The following NRXN3 variants were observed in gnomAD, a reference collection of about 807,000 sequenced individuals.
NRXN3 encodes neurexin III.
NRXN3 carries 32 observed loss-of-function variants against 137.6 expected under a neutral mutation model. The observed-to-expected ratio is 0.23, with a 90% CI of 0.18 to 0.31. The LOEUF (loss-of-function observed/expected upper bound fraction) is 0.31, where lower values mean the gene tolerates loss of function less well. NRXN3 is among the 10% of genes least tolerant of loss of function. The pLI is 1.00. For synonymous variants in NRXN3, 798 were observed against 784.5 expected (o/e 1.02, Z -0.29); for missense variants, 1,574 against 2,062.5 (o/e 0.76, Z 4.59).
chr14:79,648,185 AAAAC>A lies in NRXN3; in HGVS notation c.3445-15569_3445-15566del, dbSNP rs199921033. ...CCCTTCCCTACTTACCCTACTATAC[AAAAC>A]AAACAAACAAACAAACAAACAAAAA... On this transcript the variant is annotated intron_variant, in intron 16 of 20. Coordinates refer to ENST00000335750, the MANE Select transcript of NRXN3 (RefSeq NM_001330195.2). Among the ~76,000 whole-genome samples the A allele has an allele frequency of 2.5e-4, 34 of 134,378 alleles. 2 individuals carry two copies. The highest frequency in any genetic ancestry group is 7.6e-4 in the African/African-American group (31 of 40,610). The allele number at this position is 134,378 out of a possible 152,430, so 88.2% of individuals were successfully genotyped here.
chr14:79,213,532 A>G (rs1305671234), intron 15 of NRXN3, among the ~76,000 whole-genome samples: 1 of 151,422 alleles, frequency 6.6e-6, no homozygotes, highest in Non-Finnish European at 1.5e-5. Flanking sequence ...AGAACTTAGG[A>G]GGTTCTTAAA....
chr14:79,124,080 A>G (rs1387273509), intron 15 of NRXN3, among the ~76,000 whole-genome samples: 1 of 152,308 alleles, frequency 6.6e-6, no homozygotes, highest in South Asian at 2.1e-4. Flanking sequence ...ACTTCTGCTC[A>G]CAGCTCTAAT....
At chr14:78,803,591 T>C in intron 8 of NRXN3, 29 bp from the exon 9 acceptor site, 1 of 1,608,636 alleles carries the variant, frequency 6.2e-7, no homozygotes, top group Non-Finnish European at 8.5e-7. Flanking sequence ...TCCGTCATCC[T>C]AACGATCTTC....
rs558163634 is a variant in NRXN3, at chr14:78,512,937, G to C, written c.758-132183G>C. On this transcript the variant is annotated intron_variant, in intron 4 of 20. Coordinates refer to ENST00000335750, the MANE Select transcript of NRXN3 (RefSeq NM_001330195.2). ...TTTTGCTTTCTGCCCCGTAGGATCT[G>C]AAGCAGTCCTGCCCCAGGCTTAGAG... Among the ~76,000 whole-genome samples the C allele has an allele frequency of 1.2e-4, 18 of 152,304 alleles. No individual in the cohort carries two copies. In the East Asian group the frequency reaches 2.7e-3, roughly 23 times the overall value.
At chr14:78,250,052 T>G (rs1296386822) in intron 2 of NRXN3, 1 of 512,958 alleles carries the variant, frequency 1.9e-6, no homozygotes, top group Non-Finnish European at 3.9e-6. Flanking sequence ...CTTGAAACCC[T>G]CGCAACCACT....
chr14:79,016,261 C>T (rs1594940985), intron 15 of NRXN3, among the ~76,000 whole-genome samples: 1 of 152,188 alleles, frequency 6.6e-6, no homozygotes, highest in East Asian at 1.9e-4. Flanking sequence ...CTTTTCTACA[C>T]TTCTGGCTCA....
chr14:78,274,734 G>T (rs1596634280), intron 2 of NRXN3, among the ~76,000 whole-genome samples: 1 of 152,236 alleles, frequency 6.6e-6, no homozygotes, highest in Non-Finnish European at 1.5e-5. Context: ...TTGCCTGGTT[G>T]TGATGCTGAA....
At chr14:79,205,989 G>A (rs2066730012) in intron 15 of NRXN3, among the ~76,000 whole-genome samples, 1 of 152,104 alleles carries the variant, frequency 6.6e-6, no homozygotes, top group Non-Finnish European at 1.5e-5. Flanking sequence ...TGACAAGCAT[G>A]CCAGATGCTT....
intron 15 of NRXN3, among the ~76,000 whole-genome samples, chr14:79,106,363 T>A (rs566834685): frequency 2.6e-4 from 40 of 152,154 alleles, no homozygotes; most frequent in Admixed American, 6.6e-4. Context: ...TTTCTTTCAA[T>A]GAAATGAAAA....
chr14:78,215,965 TG>T (rs1215908673), intron 1 of NRXN3, among the ~76,000 whole-genome samples: 3 of 152,186 alleles, frequency 2.0e-5, no homozygotes, highest in African/African-American at 7.2e-5. Flanking sequence ...CTGCTCTGTG[TG>T]TAATGATAAC....
chr14:79,458,818 G>T (rs1470795969), intron 15 of NRXN3, among the ~76,000 whole-genome samples: 1 of 152,034 alleles, frequency 6.6e-6, no homozygotes, highest in African/African-American at 2.4e-5. Flanking sequence ...TCTGAGTGTG[G>T]TATAATTAAT....
At chr14:79,294,311 G>C (rs915673938) in intron 15 of NRXN3, among the ~76,000 whole-genome samples, 4 of 152,194 alleles carry the variant, frequency 2.6e-5, no homozygotes, top group African/African-American at 9.7e-5. Flanking sequence ...GAAAGGGTAT[G>C]TTATCAACTC....
intron 14 of NRXN3, among the ~76,000 whole-genome samples, chr14:78,977,218 C>A (rs1176322435): frequency 6.6e-6 from 1 of 152,144 alleles, no homozygotes; most frequent in African/African-American, 2.4e-5. Flanking sequence ...ATTTCCAAAG[C>A]AGAAAGAGTA....
chr14:78,399,530 G>A (rs1253531906), intron 4 of NRXN3, among the ~76,000 whole-genome samples: 1 of 152,170 alleles, frequency 6.6e-6, no homozygotes, highest in East Asian at 1.9e-4. Flanking sequence ...AAAGCTCTCA[G>A]ACTCAGTGCA....
chr14:79,483,400 G>GT (rs1185185853), intron 16 of NRXN3, among the ~76,000 whole-genome samples: 1 of 152,164 alleles, frequency 6.6e-6, no homozygotes, highest in Non-Finnish European at 1.5e-5. Context: ...TTGCTTCTTT[G>GT]TTAAAAAGTG....
chr14:78,294,266 C>T (rs760423662), intron 3 of NRXN3, among the ~76,000 whole-genome samples: 4 of 152,076 alleles, frequency 2.6e-5, no homozygotes, highest in Non-Finnish European at 4.4e-5. Flanking sequence ...TTATAAAGCT[C>T]GTGTCAGGCT....
In NRXN3 at chr14:79,448,902, G is replaced by A. The variant is rs149834084; in HGVS notation, c.3263-18319G>A. ...GAAATGACAAAAGTGAATGAAGTGA[G>A]GGAAAGTGAGCCAGCAGGACTGCTC... On this transcript the variant is annotated intron_variant, in intron 15 of 20. Coordinates refer to ENST00000335750, the MANE Select transcript of NRXN3 (RefSeq NM_001330195.2). 6.4e-3 allele frequency among the ~76,000 whole-genome samples: 978 copies of A among 152,300 alleles called. 8 individuals carry two copies. Among genetic ancestry groups the A allele is most frequent in the African/African-American group, 0.022 (904 of 41,560 alleles).
At chr14:79,337,892 CA>C (rs1469878337) in intron 15 of NRXN3, among the ~76,000 whole-genome samples, 6 of 152,136 alleles carry the variant, frequency 3.9e-5, no homozygotes, top group African/African-American at 1.4e-4. Flanking sequence ...AACTCCCCGA[CA>C]CTCAAACTAC....
chr14:78,894,729 T>A (rs2099168544), intron 10 of NRXN3, among the ~76,000 whole-genome samples: 1 of 151,880 alleles, frequency 6.6e-6, no homozygotes, highest in African/African-American at 2.4e-5. Context: ...GTGTATTTTT[T>A]AAATAATAAG....
Sources: gnomAD v4.1 joint callset for allele counts (sites outside exome capture counted in the v4.1 genomes callset) on GRCh38, gnomAD v4.1.1 for gene constraint, MANE v1.5 for transcripts, NCBI Gene and HGNC (gene_info 2026-07-23, HGNC 2026-07-21) for gene names.